Variants in ANO10 observed in about 807,000 individuals in gnomAD.
ANO10 encodes anoctamin 10, also known as anoctamin-10.
A neutral mutation model predicts 74.7 loss-of-function variants in ANO10; 77 were observed. The ratio of observed to expected loss-of-function variants is 1.03; its 90% confidence interval spans 0.86 to 1.25. The LOEUF (loss-of-function observed/expected upper bound fraction) is 1.25. Ranked by LOEUF, ANO10 falls within the 50% of genes most tolerant of loss-of-function variation. The probability of loss-of-function intolerance (pLI) is 0.00; values close to 1 mark genes in which losing one functional copy is unlikely to be tolerated. For missense variants in ANO10, 721 were observed against 778.1 expected, an observed-to-expected ratio of 0.93 and a Z score of 0.87; for synonymous variants, 279 against 284.9, an observed-to-expected ratio of 0.98 and a Z score of 0.21.
chr3:43,455,665 C>T (rs1250495477), intron 11 of ANO10, among the ~76,000 whole-genome samples: 1 of 152,118 alleles, frequency 6.6e-6, no homozygotes, highest in Non-Finnish European at 1.5e-5. Flanking sequence ...CCTTTCACCA[C>T]CCTAAGAACC....
At chr3:43,436,308 T>A (rs1454236628) in intron 11 of ANO10, among the ~76,000 whole-genome samples, 1 of 152,118 alleles carries the variant, frequency 6.6e-6, no homozygotes, top group Non-Finnish European at 1.5e-5. Flanking sequence ...AAAATAGGAA[T>A]CTATTCATAT....
intron 11 of ANO10, among the ~76,000 whole-genome samples, chr3:43,499,027 A>G (rs2077009661): frequency 1.3e-5 from 2 of 152,154 alleles, no homozygotes; most frequent in Admixed American, 1.3e-4. Flanking sequence ...AAGAAGCTAA[A>G]AATCACACCA....
At chr3:43,470,266 G>C (rs2075797100) in intron 11 of ANO10, among the ~76,000 whole-genome samples, 1 of 152,220 alleles carries the variant, frequency 6.6e-6, no homozygotes, top group Non-Finnish European at 1.5e-5. Context: ...CAACATTCTG[G>C]AAAAAGCAAA....
chr3:43,611,193 T>G (rs1306989658), intron 1 of ANO10, among the ~76,000 whole-genome samples: 1 of 151,988 alleles, frequency 6.6e-6, no homozygotes, highest in Non-Finnish European at 1.5e-5. Context: ...TTTAAGGGAG[T>G]GCTTCTATCT....
chr3:43,586,086 C>T (rs986171942), intron 4 of ANO10, among the ~76,000 whole-genome samples: 7 of 152,162 alleles, frequency 4.6e-5, no homozygotes, highest in Admixed American at 4.6e-4. Context: ...ACACAAAGGG[C>T]AAGGCTCTCC....
chr3:43,563,557 T>A (rs370611607), intron 8 of ANO10, among the ~76,000 whole-genome samples: 14 of 152,200 alleles, frequency 9.2e-5, no homozygotes, highest in African/African-American at 3.4e-4. Context: ...ACCCCCATGT[T>A]TACTGCAGCA....
intron 1 of ANO10, among the ~76,000 whole-genome samples, chr3:43,650,989 A>C (rs892602831): frequency 1.3e-5 from 2 of 152,212 alleles, no homozygotes; most frequent in Non-Finnish European, 2.9e-5. Context: ...TAATATGCTC[A>C]TCACATCATT....
chr3:43,461,067 A>T lies in ANO10; in HGVS notation c.1798-28340T>A, dbSNP rs565957006. 1.1e-4 allele frequency among the ~76,000 whole-genome samples: 17 copies of T among 152,166 alleles called. No homozygotes were observed. In the South Asian group the frequency reaches 3.5e-3, roughly 32 times the overall value. On this transcript the variant is annotated intron_variant, in intron 11 of 12. Transcript: ENST00000292246. ...CAGTAAAATAGAAATCAATCGATAG[A>T]AGAAAATCAATAAGAACAAACGTTT...
At chr3:43,484,898 C>G in intron 11 of ANO10, 3 of 655,598 alleles carry the variant, frequency 4.6e-6, no homozygotes, top group East Asian at 2.8e-5. Flanking sequence ...TAAGCATTTA[C>G]AGTTTATGTC....
At chr3:43,672,330 C>A (rs1482387005) in intron 1 of ANO10, among the ~76,000 whole-genome samples, 2 of 151,966 alleles carry the variant, frequency 1.3e-5, no homozygotes, top group African/African-American at 4.8e-5. Flanking sequence ...TCTAGACCAG[C>A]CTGGGCAACA....
At position 43,549,805 on chromosome 3, in the gene ANO10, CAGTT is replaced by C; in HGVS notation, c.1708_1711del (p.Asn570ValfsTer3). 1 of 1,613,958 alleles carries C rather than the reference CAGTT, an allele frequency of 6.2e-7. No homozygotes were observed. The highest frequency in any genetic ancestry group is 8.5e-7 in the Non-Finnish European group (1 of 1,179,902). On this transcript the variant is annotated frameshift_variant, in exon 11 of 13. Coordinates refer to ENST00000292246, the MANE Select transcript of ANO10 (RefSeq NM_018075.5). LOFTEE classifies it high-confidence loss of function. ...TTGTGGTGACATTCCAATCAGCGCA[CAGTT>C]AGTGACCACAGATATAACACTCATC...
chr3:43,628,545 GA>G (rs1276019910), intron 1 of ANO10, among the ~76,000 whole-genome samples: 8 of 152,202 alleles, frequency 5.3e-5, no homozygotes, highest in Non-Finnish European at 1.2e-4. Flanking sequence ...CAATGTTTAG[GA>G]AACAAGAGAG....
intron 11 of ANO10, among the ~76,000 whole-genome samples, chr3:43,449,228 T>C (rs1165336652): frequency 6.6e-6 from 1 of 152,166 alleles, no homozygotes; most frequent in Non-Finnish European, 1.5e-5. Flanking sequence ...ATATTTTGGA[T>C]ACAAATCCTT....
chr3:43,475,677 CA>C (rs1022036742), intron 11 of ANO10, among the ~76,000 whole-genome samples: 2 of 152,206 alleles, frequency 1.3e-5, no homozygotes, highest in African/African-American at 4.8e-5. Context: ...TGGCTCACTG[CA>C]ACCTCTGCCT....
intron 11 of ANO10, among the ~76,000 whole-genome samples, chr3:43,453,181 T>TCCC (rs1559559056): frequency 1.7e-5 from 1 of 58,172 alleles, no homozygotes. Flanking sequence ...TTTTCCCCCT[T>TCCC]TTTTTTTTTT....
intron 12 of ANO10, among the ~76,000 whole-genome samples, chr3:43,406,061 T>C (rs1338142911): frequency 1.3e-5 from 2 of 152,170 alleles, no homozygotes; most frequent in Non-Finnish European, 2.9e-5. Context: ...CCTATCAGTA[T>C]GAAAGCAGGC....
At chr3:43,612,556 A>G (rs1255127509) in intron 1 of ANO10, among the ~76,000 whole-genome samples, 2 of 152,106 alleles carry the variant, frequency 1.3e-5, no homozygotes, top group Non-Finnish European at 2.9e-5. Flanking sequence ...AGTGTTTTTC[A>G]GGTGACCCTG....
chr3:43,413,050 T>A (rs2092689055), intron 12 of ANO10, among the ~76,000 whole-genome samples: 4 of 152,088 alleles, frequency 2.6e-5, no homozygotes, highest in Admixed American at 2.6e-4. Context: ...AGATTCCATT[T>A]CAAAAAAAAT....
intron 11 of ANO10, among the ~76,000 whole-genome samples, chr3:43,511,902 G>A (rs55919732): frequency 0.025 from 3,760 of 152,262 alleles, 156 homozygotes; most frequent in African/African-American, 0.085. Context: ...TTGCTCCAAG[G>A]TGTTTTCCTG....
Sources: allele counts gnomAD v4.1 joint callset (sites outside exome capture counted in the v4.1 genomes callset), GRCh38; gene constraint gnomAD v4.1.1; transcripts MANE v1.5; gene names NCBI Gene and HGNC (gene_info 2026-07-23, HGNC 2026-07-21).